The following DOCK2 variants were observed in gnomAD, a reference collection of about 807,000 sequenced individuals.
The protein encoded by DOCK2 is dedicator of cytokinesis 2.
DOCK2 carries 87 observed loss-of-function variants against 248.9 expected under a neutral mutation model. That is an observed-to-expected ratio of 0.35 (90% confidence interval 0.29 to 0.42). The LOEUF (loss-of-function observed/expected upper bound fraction) is 0.42, where lower values mean the gene tolerates loss of function less well. Among genes scored for constraint, DOCK2 ranks in the 10% least tolerant of loss-of-function variants. DOCK2 has a pLI of 1.00. For synonymous variants in DOCK2, 805 were observed against 821.6 expected, an observed-to-expected ratio of 0.98 and a Z score of 0.35; for missense variants, 1,747 against 2,300.2, an observed-to-expected ratio of 0.76 and a Z score of 4.92.
At chr5:169,882,392 C>A (rs571935023) in intron 27 of DOCK2, among the ~76,000 whole-genome samples, 85 of 152,062 alleles carry the variant, frequency 5.6e-4, no homozygotes, top group Non-Finnish European at 9.7e-4. Context: ...AATGAAATTC[C>A]ATTAGAGAAA....
intron 27 of DOCK2, chr5:169,881,368 C>A: frequency 1.9e-6 from 3 of 1,551,326 alleles, no homozygotes; most frequent in Non-Finnish European, 2.6e-6. Flanking sequence ...GGCCAGGTAC[C>A]TGTATATGAT....
At chr5:169,920,684 T>C (rs1318231863) in intron 27 of DOCK2, among the ~76,000 whole-genome samples, 1 of 152,226 alleles carries the variant, frequency 6.6e-6, no homozygotes, top group Non-Finnish European at 1.5e-5. Flanking sequence ...AGTGTAGCCA[T>C]AGAGAGCACA....
Position 169,864,967 on chromosome 5 carries a change from G to A in DOCK2, c.2799+24115G>A, listed in dbSNP as rs1051605576. Among the ~76,000 whole-genome samples the A allele has an allele frequency of 1.1e-4, 17 of 152,264 alleles. No homozygotes were observed. In the East Asian group the frequency reaches 2.5e-3, roughly 22 times the overall value. On this transcript the variant is annotated intron_variant, in intron 27 of 51. Coordinates refer to ENST00000520908, the MANE Select transcript of DOCK2 (RefSeq NM_004946.3). ...ATGCTCAGAGTAGTGCCTGGCGTGCGCTAAGTCCTCCGTATGTGTTAGCTT... is the reference window on the plus strand; with the variant it reads ...ATGCTCAGAGTAGTGCCTGGCGTGCACTAAGTCCTCCGTATGTGTTAGCTT...
At chr5:170,050,958 G>A (rs1008432267) in intron 41 of DOCK2, among the ~76,000 whole-genome samples, 10 of 152,196 alleles carry the variant, frequency 6.6e-5, no homozygotes, top group Non-Finnish European at 1.5e-4. Flanking sequence ...GGAGCTTACA[G>A]TGTAGCAAGT....
chr5:169,714,582 A>C, intron 19 of DOCK2, 125 bp downstream of exon 19: 1 of 997,166 alleles, frequency 1.0e-6, no homozygotes, highest in Non-Finnish European at 1.5e-6. Context: ...AGTAGGATAC[A>C]CTCTCCCGAG....
chr5:170,041,908 A>G, intron 37 of DOCK2, 105 bp from the exon 38 acceptor site: 1 of 1,365,174 alleles, frequency 7.3e-7, no homozygotes, highest in Non-Finnish European at 9.9e-7. Flanking sequence ...GATGGAAAGG[A>G]CAGGGTGTGT....
At chr5:170,065,614 G>C (rs1212300435) in intron 44 of DOCK2, among the ~76,000 whole-genome samples, 2 of 152,212 alleles carry the variant, frequency 1.3e-5, no homozygotes, top group Non-Finnish European at 2.9e-5. Flanking sequence ...CACAACCATG[G>C]AGGAAGGCAG....
Position 170,041,080 on chromosome 5 carries a change from C to T in DOCK2, c.3691C>T (p.His1231Tyr), listed in dbSNP as rs1169924487. 1 of 1,614,178 alleles carries T rather than the reference C, an allele frequency of 6.2e-7. No individual in the cohort carries two copies. Among genetic ancestry groups the T allele is most frequent in the Non-Finnish European group, 8.5e-7 (1 of 1,180,026 alleles). The part of the protein sequence containing the change: ...IRYLYKLRDL[H>Y]LDCDNYTEAA... ...GTACCTGTACAAACTCCGCGATCTTCACCTGGACTGTGACAATTACACAGA... is the reference window on the plus strand; with the variant it reads ...GTACCTGTACAAACTCCGCGATCTTTACCTGGACTGTGACAATTACACAGA... The change falls in exon 37 of 52, where the codon CAC (histidine) becomes TAC (tyrosine). Residue 1231 changes from histidine (H) to tyrosine (Y), a missense_variant. His to Tyr is a moderately conservative substitution (Grantham distance 83). Around this residue, in one of 4 missense-constraint regions of DOCK2, gnomAD observed 858 missense variants for 1,183.5 expected, o/e 0.72. Coordinates refer to ENST00000520908, the MANE Select transcript of DOCK2 (RefSeq NM_004946.3).
Position 170,082,966 on chromosome 5 carries a change from C to T in DOCK2, c.*108C>T, listed in dbSNP as rs866651706. ...TCAGAGAGTGGGAGACTGTCCCCAT[C>T]AGTTGTCCTTACTTAGAGGAGACAG... On this transcript the variant is annotated 3_prime_UTR_variant, in exon 52 of 52. Coordinates refer to ENST00000520908, the MANE Select transcript of DOCK2 (RefSeq NM_004946.3). 43 of 1,437,018 alleles carry T rather than the reference C, an allele frequency of 3.0e-5. No individual in the cohort carries two copies. The highest frequency in any genetic ancestry group is 9.5e-5 in the South Asian group (8 of 84,548). The allele number at this position is 1,437,018 out of a possible 1,614,324, so 89.0% of individuals were successfully genotyped here.
chr5:169,664,501 A>G (rs1758612482), intron 2 of DOCK2, among the ~76,000 whole-genome samples: 1 of 152,206 alleles, frequency 6.6e-6, no homozygotes, highest in South Asian at 2.1e-4. Context: ...TCACACTGTT[A>G]TAAAGAACTA....
intron 22 of DOCK2, among the ~76,000 whole-genome samples, chr5:169,733,400 A>C (rs1762882403): frequency 6.6e-6 from 1 of 151,406 alleles, no homozygotes; most frequent in Non-Finnish European, 1.5e-5. Context: ...TCTAAAAATA[A>C]CTCCACATAC....
At chr5:169,989,867 C>A (rs1331864487) in intron 29 of DOCK2, among the ~76,000 whole-genome samples, 1 of 152,132 alleles carries the variant, frequency 6.6e-6, no homozygotes, top group Non-Finnish European at 1.5e-5. Flanking sequence ...TTTTATATTT[C>A]TATTTCTATG....
chr5:169,745,654 A>T (rs1457229594), intron 22 of DOCK2, among the ~76,000 whole-genome samples: 1 of 152,130 alleles, frequency 6.6e-6, no homozygotes, highest in African/African-American at 2.4e-5. Flanking sequence ...TTAATTTGTA[A>T]AGTGGGTGTG....
At chr5:169,750,153 A>C (rs1763821331) in intron 23 of DOCK2, among the ~76,000 whole-genome samples, 1 of 152,230 alleles carries the variant, frequency 6.6e-6, no homozygotes, top group South Asian at 2.1e-4. Flanking sequence ...CTGATGCCCC[A>C]AAGAAGTTGA....
At position 169,895,612 on chromosome 5, in the gene DOCK2, G is replaced by A. The variant is rs182482544; in HGVS notation, c.2799+54760G>A. On this transcript the variant is annotated intron_variant, in intron 27 of 51. Coordinates refer to ENST00000520908, the MANE Select transcript of DOCK2 (RefSeq NM_004946.3). ...TTCACCCTGACTCCAGCCACTGGGG[G>A]TTCCACCTTCCCTCCACGTTACCTA... Among the ~76,000 whole-genome samples the A allele has an allele frequency of 2.3e-3, 356 of 151,926 alleles. 5 individuals carry two copies. The highest frequency in any genetic ancestry group is 6.7e-3 in the African/African-American group (279 of 41,428).
In DOCK2 at chr5:169,660,483, CCTT is replaced by C. The variant is rs1758383821; in HGVS notation, c.127+6000_127+6002del. Among the ~76,000 whole-genome samples the C allele has an allele frequency of 3.3e-5, 5 of 152,204 alleles. No individual in the cohort carries two copies. In the South Asian group the frequency reaches 8.3e-4, roughly 25 times the overall value. ...ACATACTCTATGTACTATTCTGAGA[CCTT>C]CTGTTCTCATTTGAAAATATTGGAG... is the stretch of plus-strand genomic sequence containing the variant. On this transcript the variant is annotated intron_variant, in intron 2 of 51. Coordinates refer to ENST00000520908, the MANE Select transcript of DOCK2 (RefSeq NM_004946.3).
intron 2 of DOCK2, among the ~76,000 whole-genome samples, chr5:169,664,330 G>A (rs1758603705): frequency 1.3e-5 from 2 of 152,134 alleles, no homozygotes; most frequent in Non-Finnish European, 2.9e-5. Context: ...CATTCAACAA[G>A]TCTCTAGCAA....
intron 27 of DOCK2, among the ~76,000 whole-genome samples, chr5:169,871,343 C>A (rs1771957494): frequency 6.6e-6 from 1 of 152,056 alleles, no homozygotes; most frequent in South Asian, 2.1e-4. Context: ...GTACCTGGGC[C>A]ACATTAGATT....
At chr5:169,652,855 T>A (rs1305164722) in intron 1 of DOCK2, among the ~76,000 whole-genome samples, 1 of 152,182 alleles carries the variant, frequency 6.6e-6, no homozygotes, top group East Asian at 1.9e-4. Flanking sequence ...CCCAGTGGCA[T>A]TTCACCCAGC....
Sources: gnomAD v4.1 joint callset for allele counts (sites outside exome capture counted in the v4.1 genomes callset) on GRCh38, gnomAD v4.1.1 for gene constraint, gnomAD v4.1.1 regional missense constraint, MANE v1.5 for transcripts, NCBI Gene and HGNC (gene_info 2026-07-23, HGNC 2026-07-21) for gene names.